Variants in PRDM1 observed in about 807,000 individuals in gnomAD.
PRDM1 encodes the protein PR domain zinc finger protein 1.
In PRDM1, 13 loss-of-function variants were observed where a neutral mutation model predicts 62.8. The observed-to-expected ratio is 0.21, with a 90% CI of 0.13 to 0.33. The LOEUF is 0.33. Ranked by LOEUF, PRDM1 falls within the 10% of genes least tolerant of loss-of-function variation. PRDM1 has a pLI of 1.00. For missense variants in PRDM1, 895 were observed against 1,058.8 expected (o/e 0.85, Z 2.15); for synonymous variants, 396 against 417.6 (o/e 0.95, Z 0.63).
In PRDM1 at chr6:106,095,685, A is replaced by G. The variant is rs755105205; in HGVS notation, c.362A>G (p.Tyr121Cys). The G allele has an allele frequency of 3.1e-6, 5 of 1,614,092 alleles. No homozygotes were observed. Among genetic ancestry groups the G allele is most frequent in the Admixed American group, 1.7e-5 (1 of 60,030 alleles). Reference protein sequence around the residue: ...TRFGPLIGEIYTNDTVPKNAN... With the variant: ...TRFGPLIGEICTNDTVPKNAN... ...TTTGGACCCCTAATAGGTGAAATCT[A>G]CACCAATGACACAGTTCCTAAGAAC... The change falls in exon 3 of 7, where the codon TAC (tyrosine) becomes TGC (cysteine). Residue 121 changes from tyrosine (Y) to cysteine (C), a missense_variant. Physicochemically the swap from Tyr to Cys is radical, Grantham distance 194. Coordinates refer to ENST00000369096, the MANE Select transcript of PRDM1 (RefSeq NM_001198.4).
Position 105,999,245 on chromosome 6 carries a change from T to C in PRDM1, c.-67+5606T>C, listed in dbSNP as rs1772399141. On this transcript the variant is annotated intron_variant, in intron 1 of 6. Transcript: ENST00000652320. ...TGAGCCACCACGCCCAGCCCAAATA[T>C]GTTTTTTCATAAAATTTAGAAAACA... 2.6e-5 allele frequency among the ~76,000 whole-genome samples: 4 copies of C among 151,340 alleles called. No homozygotes were observed. In the South Asian group the frequency reaches 8.6e-4, roughly 32 times the overall value.
chr6:106,005,285 C>T (rs894458069), intron 1 of PRDM1, among the ~76,000 whole-genome samples: 2 of 152,198 alleles, frequency 1.3e-5, no homozygotes, highest in Non-Finnish European at 2.9e-5. Flanking sequence ...ATGCACATGA[C>T]TTCTTAGGTT....
rs1176088269 is a variant in PRDM1, at chr6:106,080,161, T to C, written c.-66-8040T>C. Among the ~76,000 whole-genome samples the C allele has an allele frequency of 2.0e-5, 3 of 152,162 alleles. No homozygotes were observed. The East Asian group carries it at 5.8e-4, about 29-fold the overall frequency. On this transcript the variant is annotated intron_variant, in intron 1 of 6. Coordinates refer to the PRDM1 transcript ENST00000651185. ...GCCTAGCTGGTGGTGGCAGCGTAAT[T>C]AGTGAGATGTCAGCTACAAATGAAT...
chr6:106,107,922 A>G lies in PRDM1; in HGVS notation c.*436A>G. The G allele has an allele frequency of 4.3e-6, 1 of 232,410 alleles. No homozygotes were observed. Among genetic ancestry groups the G allele is most frequent in the Non-Finnish European group, 8.5e-6 (1 of 117,316 alleles). 14.4% of individuals were successfully genotyped at this position (232,410 alleles called of 1,614,324 possible). On this transcript the variant is annotated 3_prime_UTR_variant, in exon 7 of 7. Transcript: ENST00000369096. Reference sequence around the variant, plus strand: ...TACAATGACTGGAAAGATTCCTTGTAATTTGAGTATAAATGTATTTTTGTC... The same window carrying G: ...TACAATGACTGGAAAGATTCCTTGTGATTTGAGTATAAATGTATTTTTGTC...
Position 106,099,519 on chromosome 6 carries a change from C to G in PRDM1, c.631C>G (p.Pro211Ala). ...GGACTTTGCAGAAAGGCTTCACTAC[C>G]CTTATCCCGGAGAGCTGACAATGAT... ...CRDFAERLHYPYPGELTMMNL... is the reference protein window; with the variant it reads ...CRDFAERLHYAYPGELTMMNL... The change falls in exon 4 of 7, where the codon CCT (proline) becomes GCT (alanine). Residue 211 changes from proline (P) to alanine (A), a missense_variant. This residue lies in a region of PRDM1 where 213 missense variants were observed against 283.9 expected (regional missense o/e 0.75). Coordinates refer to ENST00000369096, the MANE Select transcript of PRDM1 (RefSeq NM_001198.4). The G allele has an allele frequency of 6.2e-7, 1 of 1,614,130 alleles. No homozygotes were observed. Among genetic ancestry groups the G allele is most frequent in the Non-Finnish European group, 8.5e-7 (1 of 1,180,022 alleles).
rs765066743 is a variant in PRDM1 at position 106,106,509 on chromosome 6, ATTTT to A, written c.1902+11_1902+14del. The stretch of plus-strand genomic sequence containing the variant: ...GCCACATGAATGCCAGGTGCGCAGT[ATTTT>A]CTGGGTAGACCTTCTGACCTTTGTA... On this transcript the variant is annotated intron_variant, in intron 6 of 6. Coordinates refer to ENST00000369096, the MANE Select transcript of PRDM1 (RefSeq NM_001198.4). This position sits in a 1 kb window ranked among gnomAD's most constrained non-coding sequence, Gnocchi z 4.4. 4.5e-4 allele frequency: 723 copies of A among 1,614,000 alleles called. No homozygotes were observed. Among genetic ancestry groups the A allele is most frequent in the Non-Finnish European group, 5.9e-4 (698 of 1,179,984 alleles).
At chr6:106,013,748 G>GT (rs1203091551) in intron 1 of PRDM1, among the ~76,000 whole-genome samples, 1 of 152,174 alleles carries the variant, frequency 6.6e-6, no homozygotes, top group Non-Finnish European at 1.5e-5. Flanking sequence ...CGCTGCTGAA[G>GT]TGGCTGCTTG....
intron 1 of PRDM1, among the ~76,000 whole-genome samples, chr6:106,019,527 C>T (rs1007064136): frequency 9.3e-5 from 14 of 151,146 alleles, no homozygotes; most frequent in African/African-American, 3.4e-4. Flanking sequence ...AAAAATGAAA[C>T]GGGGTAGCTG....
intron 4 of PRDM1, among the ~76,000 whole-genome samples, chr6:106,103,507 G>C (rs1296818964): frequency 6.6e-6 from 1 of 152,172 alleles, no homozygotes; most frequent in East Asian, 1.9e-4. Flanking sequence ...CCTAGGGCAG[G>C]TGTCCTGGCT....
At chr6:106,012,421 A>G (rs1469589558) in intron 1 of PRDM1, among the ~76,000 whole-genome samples, 1 of 149,700 alleles carries the variant, frequency 6.7e-6, no homozygotes, top group East Asian at 2.0e-4. Flanking sequence ...TACACAAAAA[A>G]CATACTACAT....
At chr6:106,037,710 G>A (rs1397370548) in intron 1 of PRDM1, among the ~76,000 whole-genome samples, 1 of 151,780 alleles carries the variant, frequency 6.6e-6, no homozygotes, top group African/African-American at 2.4e-5. Context: ...TTCTTTTTAG[G>A]TTTTCTATCT....
In PRDM1 at chr6:106,109,561, T is replaced by C. The variant is rs1774626918; in HGVS notation, c.*2075T>C. The C allele has an allele frequency of 4.3e-6, 1 of 233,588 alleles. No individual in the cohort carries two copies. The highest frequency in any genetic ancestry group is 5.6e-5 in the Admixed American group (1 of 17,774). 14.5% of individuals were successfully genotyped at this position (233,588 alleles called of 1,614,324 possible). On this transcript the variant is annotated 3_prime_UTR_variant, in exon 7 of 7. Coordinates refer to ENST00000369096, the MANE Select transcript of PRDM1 (RefSeq NM_001198.4). The stretch of plus-strand genomic sequence containing the variant: ...AGACTGACAGCTTTTTATGTATCAG[T>C]GTTTGATAAACACAGTCCTTAACTG...
rs1773876749 is a variant in PRDM1, at chr6:106,088,559, A to G, written c.291+110A>G. 3 of 1,222,326 alleles carry G rather than the reference A, an allele frequency of 2.5e-6. No homozygotes were observed. Among genetic ancestry groups the G allele is most frequent in the South Asian group, 2.9e-5 (2 of 70,148 alleles). The allele number at this position is 1,222,326 out of a possible 1,614,324, so 75.7% of individuals were successfully genotyped here. The stretch of plus-strand genomic sequence containing the variant: ...AAACCTCTGAGAATCTGTAAGTATC[A>G]GTAAATAATTGATTGCTCTATTCAA... On this transcript the variant is annotated intron_variant, in intron 2 of 6. Coordinates refer to ENST00000369096, the MANE Select transcript of PRDM1 (RefSeq NM_001198.4).
At chr6:106,063,244 G>C (rs1453530623) in intron 1 of PRDM1, among the ~76,000 whole-genome samples, 1 of 152,130 alleles carries the variant, frequency 6.6e-6, no homozygotes, top group African/African-American at 2.4e-5. Flanking sequence ...ATGTGCACTG[G>C]GAGTCTTTTG....
chr6:106,075,781 TC>T (rs1196246098), intron 1 of PRDM1, among the ~76,000 whole-genome samples: 2 of 152,168 alleles, frequency 1.3e-5, no homozygotes, highest in African/African-American at 4.8e-5. Context: ...GGTCTTGAAT[TC>T]CTGGGCTCAA....
At chr6:106,006,899 C>G (rs1254778692) in intron 1 of PRDM1, among the ~76,000 whole-genome samples, 3 of 151,922 alleles carry the variant, frequency 2.0e-5, no homozygotes, top group African/African-American at 7.2e-5. Context: ...TCTTCAAACT[C>G]TCTGCTCAGT....
At chr6:106,023,059 T>A (rs1772717733) in intron 1 of PRDM1, among the ~76,000 whole-genome samples, 1 of 152,210 alleles carries the variant, frequency 6.6e-6, no homozygotes, top group African/African-American at 2.4e-5. Context: ...CCTCGTGTGC[T>A]GTTAAAGCGA....
At chr6:106,014,325 G>A (rs1170522721) in intron 1 of PRDM1, among the ~76,000 whole-genome samples, 2 of 151,748 alleles carry the variant, frequency 1.3e-5, no homozygotes. Flanking sequence ...CTCCCAAAGC[G>A]CTGGGATTAC....
chr6:106,064,314 A>G (rs1773392480), intron 1 of PRDM1, among the ~76,000 whole-genome samples: 1 of 152,192 alleles, frequency 6.6e-6, no homozygotes, highest in Non-Finnish European at 1.5e-5. Flanking sequence ...TGAGCTGTGG[A>G]CAGACGAAAT....
Sources: allele counts gnomAD v4.1 joint callset (sites outside exome capture counted in the v4.1 genomes callset), GRCh38; gene constraint gnomAD v4.1.1; regional missense constraint gnomAD v4.1.1; non-coding constraint Gnocchi (gnomAD v3.1); transcripts MANE v1.5; gene names NCBI Gene and HGNC (gene_info 2026-07-23, HGNC 2026-07-21).